Variants in IFT46 observed in about 807,000 individuals in gnomAD.
The protein encoded by IFT46 is intraflagellar transport protein 46 homolog.
Under a neutral mutation model 39.6 loss-of-function variants are expected in IFT46, and 19 were observed. The ratio of observed to expected loss-of-function variants is 0.48; its 90% CI spans 0.33 to 0.70. IFT46 has a LOEUF of 0.70. Among genes scored for constraint, IFT46 ranks in the 30% least tolerant of loss-of-function variants. The pLI, the probability that IFT46 is intolerant of heterozygous loss-of-function variation, is 0.01. For missense variants in IFT46, 334 were observed against 364.8 expected, an observed-to-expected ratio of 0.92 and a Z score of 0.69; for synonymous variants, 117 against 134.8, an observed-to-expected ratio of 0.87 and a Z score of 0.91.
chr11:118,559,122 C>G (rs782591276), intron 3 of IFT46, among the ~76,000 whole-genome samples: 10 of 151,920 alleles, frequency 6.6e-5, no homozygotes, highest in Non-Finnish European at 1.3e-4. Flanking sequence ...CCCGCCTCGG[C>G]CTCCCAAAGT....
intron 1 of IFT46, among the ~76,000 whole-genome samples, chr11:118,565,432 A>T (rs1555071296): frequency 7.2e-6 from 1 of 139,506 alleles, no homozygotes; most frequent in African/African-American, 2.7e-5. Context: ...AGGTTCTAGA[A>T]AGAGTTCTGT....
chr11:118,568,498 G>A (rs1370718402), upstream of IFT46, among the ~76,000 whole-genome samples: 2 of 152,132 alleles, frequency 1.3e-5, no homozygotes, highest in Non-Finnish European at 2.9e-5. Context: ...GTTGCAGTGA[G>A]TTAAGATGGC....
intron 7 of IFT46, among the ~76,000 whole-genome samples, chr11:118,552,740 C>T (rs1230833673): frequency 6.6e-6 from 1 of 151,616 alleles, no homozygotes; most frequent in Non-Finnish European, 1.5e-5. Flanking sequence ...TTGCAGTGAG[C>T]TACGACTGTG....
rs1205953002 is a variant in IFT46, at chr11:118,549,925, CT to C, written c.672+1860del. On this transcript the variant is annotated intron_variant, in intron 9 of 11. Coordinates refer to ENST00000264021, the MANE Select transcript of IFT46 (RefSeq NM_001168618.2). ...ATCTCAGCCTCCCACTCCATTATGA[CT>C]TTTTTTTTTTTTTTTGAGATGGAGT... Among the ~76,000 whole-genome samples the C allele has an allele frequency of 3.5e-3, 478 of 135,972 alleles. 1 individual carries two copies. The highest frequency in any genetic ancestry group is 5.3e-3 in the African/African-American group (196 of 37,058). 89.2% of individuals were successfully genotyped at this position (135,972 alleles called of 152,430 possible). A position where few individuals can be genotyped will look rare whatever the true frequency, so the allele number is the denominator to read the frequency against.
In IFT46 at chr11:118,556,894, T is replaced by C; in HGVS notation, c.185+12A>G. ...CTGAAGAGCACCCTTGGCTTGGGTG[T>C]TCTTTCCTCACCCTTCCAGAGGGGC... On this transcript the variant is annotated intron_variant, in intron 4 of 11. Transcript: ENST00000264021. The C allele has an allele frequency of 6.4e-7, 1 of 1,571,422 alleles. No homozygotes were observed.
chr11:118,560,032 A>T, intron 2 of IFT46, 168 bp from the exon 3 acceptor site: 1 of 602,106 alleles, frequency 1.7e-6, no homozygotes, highest in Non-Finnish European at 2.9e-6. Flanking sequence ...CTGCCAGTTC[A>T]ATTCAAGATA....
At chr11:118,572,718 A>G in exon 1 of IFT46, 1 of 714,388 alleles carries the variant, frequency 1.4e-6, no homozygotes, top group African/African-American at 1.8e-5. Context: ...GGTCTCCTGG[A>G]GATCCGATGG....
chr11:118,548,173 G>A (rs1403460538), intron 9 of IFT46, among the ~76,000 whole-genome samples: 7 of 149,188 alleles, frequency 4.7e-5, no homozygotes, highest in Admixed American at 1.3e-4. Flanking sequence ...GTGAGCTACC[G>A]TGCCTGGCCC....
upstream of IFT46, among the ~76,000 whole-genome samples, chr11:118,575,206 C>G (rs1482119171): frequency 6.6e-6 from 1 of 152,118 alleles, no homozygotes; most frequent in Non-Finnish European, 1.5e-5. Context: ...TCTCGATCTC[C>G]TCACCTCGTG....
At chr11:118,556,073 A>G (rs1937820816) in intron 4 of IFT46, among the ~76,000 whole-genome samples, 1 of 152,090 alleles carries the variant, frequency 6.6e-6, no homozygotes, top group Non-Finnish European at 1.5e-5. Flanking sequence ...ACCAGGTTGG[A>G]GTGCAGTGAC....
chr11:118,565,623 C>T (rs1446680942), intron 1 of IFT46, 167 bp downstream of exon 1: 1 of 152,458 alleles, frequency 6.6e-6, no homozygotes, highest in Non-Finnish European at 1.5e-5. Flanking sequence ...TAGGATCCCA[C>T]CTAAGTTTCT....
intron 3 of IFT46, among the ~76,000 whole-genome samples, chr11:118,558,240 A>G (rs1359953247): frequency 1.3e-5 from 2 of 152,218 alleles, no homozygotes; most frequent in Non-Finnish European, 2.9e-5. Context: ...TTCTTTCTCA[A>G]TTCAAGATTT....
intron 9 of IFT46, among the ~76,000 whole-genome samples, chr11:118,550,021 T>C (rs11216887): frequency 0.16 from 23,637 of 151,310 alleles, 2,349 homozygotes; most frequent in East Asian, 0.51. Context: ...TGCCCTCCTC[T>C]GCCCCTGGGT....
At chr11:118,560,019 G>A in intron 2 of IFT46, 155 bp from the exon 3 acceptor site, 7 of 611,466 alleles carry the variant, frequency 1.1e-5, no homozygotes, top group Non-Finnish European at 2.0e-5. Flanking sequence ...TCTAGTCATG[G>A]CTCTGCCAGT....
intron 9 of IFT46, among the ~76,000 whole-genome samples, chr11:118,549,290 C>T (rs1402911982): frequency 6.6e-6 from 1 of 151,954 alleles, no homozygotes; most frequent in Non-Finnish European, 1.5e-5. Context: ...ATCGTCCCAC[C>T]TCAGCCTCCC....
At position 118,565,754 on chromosome 11, in the gene IFT46, G is replaced by A. The variant is rs1591373654; in HGVS notation, c.-133+36C>T. On this transcript the variant is annotated intron_variant, in intron 1 of 11. Transcript: ENST00000264021. ...GAGTCCTCTTAAGCCTCTCTAGAAA[G>A]ACAGTTCCCTTTTTGCTGGGATGAG... 16 of 152,688 alleles carry A rather than the reference G, an allele frequency of 1.0e-4. 1 individual carries two copies. In the South Asian group the frequency reaches 3.3e-3, roughly 32 times the overall value. The allele number at this position is 152,688 out of a possible 1,614,324, so 9.5% of individuals were successfully genotyped here. A position where few individuals can be genotyped will look rare whatever the true frequency, so the allele number is the denominator to read the frequency against.
upstream of IFT46, among the ~76,000 whole-genome samples, chr11:118,567,973 C>T (rs1938265157): frequency 6.6e-6 from 1 of 152,348 alleles, no homozygotes; most frequent in Non-Finnish European, 1.5e-5. Flanking sequence ...ACAGGTCAGT[C>T]TGATTCCTAA....
chr11:118,566,060 A>G (rs539129772), upstream of IFT46: 1 of 152,376 alleles, frequency 6.6e-6, no homozygotes, highest in South Asian at 2.1e-4. Context: ...TGGGCGGCCA[A>G]GTCGCCTGTT....
At position 118,559,814 on chromosome 11, in the gene IFT46, T is replaced by C; in HGVS notation, c.16A>G (p.Ser6Gly). The C allele has an allele frequency of 1.2e-6, 2 of 1,613,660 alleles. No individual in the cohort carries two copies. Among genetic ancestry groups the C allele is most frequent in the Non-Finnish European group, 1.7e-6 (2 of 1,179,548 alleles). ...TTATTTTCCTCTTCACACTCATCAC[T>C]GCTGTTATCAGCCATAGCCTTGTTA... MADNS[S>G]DECEEENNKE... Residue 6 changes from serine to glycine, a missense_variant, in exon 3 of 12, where the codon AGT becomes GGT. Coordinates refer to ENST00000264021, the MANE Select transcript of IFT46 (RefSeq NM_001168618.2).
Sources: allele counts gnomAD v4.1 joint callset (sites outside exome capture counted in the v4.1 genomes callset), GRCh38; gene constraint gnomAD v4.1.1; transcripts MANE v1.5; gene names NCBI Gene and HGNC (gene_info 2026-07-23, HGNC 2026-07-21).